The following ST6GALNAC3 variants were observed in gnomAD, a reference collection of about 807,000 sequenced individuals.
The protein encoded by ST6GALNAC3 is ST6 N-acetylgalactosaminide alpha-2,6-sialyltransferase 3, also known as alpha-N-acetylgalactosaminide alpha-2,6-sialyltransferase 3.
Under a neutral mutation model 32.7 loss-of-function variants are expected in ST6GALNAC3, and 25 were observed. That is an observed-to-expected ratio of 0.76 (90% confidence interval 0.56 to 1.07). ST6GALNAC3 has a LOEUF of 1.07. Ranked by LOEUF, ST6GALNAC3 falls within the 50% of genes least tolerant of loss-of-function variation. The pLI is 0.00. For synonymous variants in ST6GALNAC3, 129 were observed against 133.1 expected, an observed-to-expected ratio of 0.97 and a Z score of 0.21; for missense variants, 355 against 382.4, an observed-to-expected ratio of 0.93 and a Z score of 0.60.
intron 1 of ST6GALNAC3, among the ~76,000 whole-genome samples, chr1:76,229,915 A>C (rs543821876): frequency 6.6e-6 from 1 of 152,216 alleles, no homozygotes; most frequent in Non-Finnish European, 1.5e-5. Context: ...TGCAACAGAG[A>C]TCAATGGCCA....
At chr1:76,314,057 T>G (rs1485614972) in intron 2 of ST6GALNAC3, 58 bp downstream of exon 2, 4 of 1,536,654 alleles carry the variant, frequency 2.6e-6, no homozygotes, top group Non-Finnish European at 3.5e-6. Flanking sequence ...CAGCTTTTCT[T>G]TAGGAGCCAG....
chr1:76,450,833 T>A (rs1657341569), intron 3 of ST6GALNAC3, among the ~76,000 whole-genome samples: 2 of 152,170 alleles, frequency 1.3e-5, no homozygotes, highest in South Asian at 4.1e-4. Flanking sequence ...TCATTTTTGT[T>A]TGCTTTGTCA....
chr1:76,277,178 T>G (rs925041253), intron 1 of ST6GALNAC3, among the ~76,000 whole-genome samples: 4 of 152,164 alleles, frequency 2.6e-5, no homozygotes, highest in Non-Finnish European at 5.9e-5. Context: ...AAACTATTCC[T>G]TATGGTTGAT....
chr1:76,154,908 C>T (rs1182520120), intron 1 of ST6GALNAC3, among the ~76,000 whole-genome samples: 1 of 152,180 alleles, frequency 6.6e-6, no homozygotes, highest in Non-Finnish European at 1.5e-5. Flanking sequence ...CATCTGGCAG[C>T]CACTGGGTGG....
At chr1:76,607,935 T>C (rs1223323244) in intron 3 of ST6GALNAC3, among the ~76,000 whole-genome samples, 1 of 152,242 alleles carries the variant, frequency 6.6e-6, no homozygotes, top group African/African-American at 2.4e-5. Context: ...TTTGCAGCTA[T>C]ACTATCTTTG....
chr1:76,540,639 G>A (rs1663932831), intron 3 of ST6GALNAC3, among the ~76,000 whole-genome samples: 1 of 152,066 alleles, frequency 6.6e-6, no homozygotes, highest in African/African-American at 2.4e-5. Flanking sequence ...AGCTGAAGCT[G>A]CCGTTTTTTC....
intron 1 of ST6GALNAC3, among the ~76,000 whole-genome samples, chr1:76,193,045 T>C (rs868169725): frequency 1.3e-5 from 2 of 152,204 alleles, no homozygotes; most frequent in Middle Eastern, 3.2e-3. Flanking sequence ...GAATAAACAT[T>C]AAGTTTAGAA....
At chr1:76,292,505 T>C (rs1660154981) in intron 1 of ST6GALNAC3, among the ~76,000 whole-genome samples, 1 of 152,220 alleles carries the variant, frequency 6.6e-6, no homozygotes, top group Non-Finnish European at 1.5e-5. Flanking sequence ...TGGTTGAATT[T>C]CTGACACTTG....
At chr1:76,301,647 C>T (rs1570744700) in intron 1 of ST6GALNAC3, among the ~76,000 whole-genome samples, 1 of 151,982 alleles carries the variant, frequency 6.6e-6, no homozygotes, top group East Asian at 1.9e-4. Flanking sequence ...CAAAACTCTG[C>T]TTGTGTTTCG....
intron 3 of ST6GALNAC3, among the ~76,000 whole-genome samples, chr1:76,586,034 G>A (rs760812187): frequency 1.2e-4 from 19 of 152,068 alleles, no homozygotes; most frequent in Non-Finnish European, 2.2e-4. Context: ...ACGAGGCCAC[G>A]GGCTCATTTC....
intron 3 of ST6GALNAC3, among the ~76,000 whole-genome samples, chr1:76,483,089 G>A (rs1281266781): frequency 6.6e-6 from 1 of 152,106 alleles, no homozygotes; most frequent in Non-Finnish European, 1.5e-5. Context: ...GTTCCATGGT[G>A]TATATGTGCC....
chr1:76,616,668 G>A (rs549560448), intron 3 of ST6GALNAC3, among the ~76,000 whole-genome samples: 6 of 152,200 alleles, frequency 3.9e-5, no homozygotes, highest in Non-Finnish European at 8.8e-5. Flanking sequence ...AATTCTAAAT[G>A]CCTGCAGATC....
At chr1:76,483,778 A>C (rs1177284606) in intron 3 of ST6GALNAC3, among the ~76,000 whole-genome samples, 1 of 152,118 alleles carries the variant, frequency 6.6e-6, no homozygotes, top group East Asian at 1.9e-4. Context: ...TTTGTGTTTT[A>C]GACATGAAGT....
chr1:76,466,386 T>C (rs568114009), intron 3 of ST6GALNAC3, among the ~76,000 whole-genome samples: 3 of 152,206 alleles, frequency 2.0e-5, no homozygotes, highest in African/African-American at 7.2e-5. Context: ...ATCCTGCACA[T>C]AGCTCCCTAG....
At chr1:76,352,409 T>C (rs1373431068) in intron 2 of ST6GALNAC3, among the ~76,000 whole-genome samples, 2 of 151,578 alleles carry the variant, frequency 1.3e-5, no homozygotes, top group Non-Finnish European at 1.5e-5. Context: ...TAGGATTAAA[T>C]GAAATAAGAT....
At chr1:76,190,671 T>C (rs1337961144) in intron 1 of ST6GALNAC3, among the ~76,000 whole-genome samples, 3 of 152,070 alleles carry the variant, frequency 2.0e-5, no homozygotes, top group Non-Finnish European at 4.4e-5. Flanking sequence ...AAACTTCAGG[T>C]GTTGGATTTT....
intron 1 of ST6GALNAC3, among the ~76,000 whole-genome samples, chr1:76,151,193 G>A (rs575899045): frequency 6.6e-6 from 1 of 152,250 alleles, no homozygotes; most frequent in East Asian, 1.9e-4. Flanking sequence ...GTGGTTCCTA[G>A]GTGAGAATCA....
At chr1:76,417,898 T>G (rs1363111288) in intron 3 of ST6GALNAC3, among the ~76,000 whole-genome samples, 1 of 152,050 alleles carries the variant, frequency 6.6e-6, no homozygotes, top group Admixed American at 6.6e-5. Flanking sequence ...CTGCCTCAGG[T>G]GAAGAGGATG....
At position 76,629,637 on chromosome 1, in the gene ST6GALNAC3, C is replaced by T; in HGVS notation, c.*831C>T. On this transcript the variant is annotated 3_prime_UTR_variant, in exon 5 of 5. Coordinates refer to ENST00000328299, the MANE Select transcript of ST6GALNAC3 (RefSeq NM_152996.4). ...GATACCAACTTCAACACTGTAATAA[C>T]ATATACTGTGAAAACATTCCTAAAA... 1.0e-6 allele frequency: 1 copy of T among 984,964 alleles called. No individual in the cohort carries two copies. Among genetic ancestry groups the T allele is most frequent in the Non-Finnish European group, 1.2e-6 (1 of 829,228 alleles). The allele number at this position is 984,964 out of a possible 1,614,324, so 61.0% of individuals were successfully genotyped here. A position where few individuals can be genotyped will look rare whatever the true frequency, so the allele number is the denominator to read the frequency against.
Sources: allele counts gnomAD v4.1 joint callset (sites outside exome capture counted in the v4.1 genomes callset), GRCh38; gene constraint gnomAD v4.1.1; transcripts MANE v1.5; gene names NCBI Gene and HGNC (gene_info 2026-07-23, HGNC 2026-07-21).